The following FRS2 variants were observed in gnomAD, a reference collection of about 807,000 sequenced individuals.
FRS2 encodes the protein FGFR signalling adaptor.
In FRS2, 8 loss-of-function variants were observed where a neutral mutation model predicts 43.9. The ratio of observed to expected loss-of-function variants is 0.18; its 90% CI spans 0.11 to 0.33. FRS2 has a LOEUF of 0.33. Ranked by LOEUF, FRS2 falls within the 10% of genes least tolerant of loss-of-function variation. The pLI is 1.00. For synonymous variants in FRS2, 219 were observed against 220.3 expected (o/e 0.99, Z 0.05); for missense variants, 534 against 627.6 (o/e 0.85, Z 1.59).
At chr12:69,549,631 A>G (rs1878700747) in intron 3 of FRS2, among the ~76,000 whole-genome samples, 1 of 152,248 alleles carries the variant, frequency 6.6e-6, no homozygotes, top group African/African-American at 2.4e-5. Context: ...TTCCATTTGC[A>G]TAGACTTCTG....
chr12:69,481,512 A>C (rs1342174166), intron 1 of FRS2, among the ~76,000 whole-genome samples: 1 of 151,606 alleles, frequency 6.6e-6, no homozygotes, highest in African/African-American at 2.4e-5. Flanking sequence ...TTGGTCTCAA[A>C]CTCTTGGGCT....
intron 1 of FRS2, among the ~76,000 whole-genome samples, chr12:69,504,415 A>T (rs1418172999): frequency 6.6e-6 from 1 of 152,182 alleles, no homozygotes. Context: ...GAACCAGGAG[A>T]CTGAAGTGAG....
At chr12:69,538,194 A>AT (rs921058241) in intron 3 of FRS2, among the ~76,000 whole-genome samples, 1 of 44,790 alleles carries the variant, frequency 2.2e-5, no homozygotes, top group Non-Finnish European at 3.9e-5. Context: ...AAAAAAACAA[A>AT]TTTTATATAT....
rs562804229 is a variant in FRS2, at chr12:69,539,087, T to C, written c.-122+7031T>C. Among the ~76,000 whole-genome samples, 5 of 152,302 alleles carry C rather than the reference T, an allele frequency of 3.3e-5. No homozygotes were observed. The South Asian group carries it at 1.0e-3, about 32-fold the overall frequency. On this transcript the variant is annotated intron_variant, in intron 3 of 8. Transcript: ENST00000549921. ...GGATTTCAAGGTTTTTGTTTTGTTT[T>C]GTTTTGAGACAGAGTCTCACTCTGT...
chr12:69,472,060 C>A (rs1870347348), intron 1 of FRS2, among the ~76,000 whole-genome samples: 1 of 152,100 alleles, frequency 6.6e-6, no homozygotes, highest in Non-Finnish European at 1.5e-5. Context: ...ATTAGCTGCA[C>A]AACTTTTCTT....
intron 4 of FRS2, among the ~76,000 whole-genome samples, chr12:69,567,141 C>T (rs1443503001): frequency 2.6e-5 from 4 of 152,064 alleles, no homozygotes; most frequent in Non-Finnish European, 5.9e-5. Context: ...TAAGGTTTAT[C>T]GCAGTGCATT....
At chr12:69,488,093 TAAC>T (rs1163154729) in intron 1 of FRS2, among the ~76,000 whole-genome samples, 1 of 152,244 alleles carries the variant, frequency 6.6e-6, no homozygotes, top group African/African-American at 2.4e-5. Context: ...GTTAAAATGA[TAAC>T]AAAAGATTTA....
intron 6 of FRS2, 117 bp downstream of exon 6, chr12:69,570,634 T>C (rs376616048): frequency 2.5e-5 from 16 of 650,842 alleles, no homozygotes; most frequent in East Asian, 1.6e-4. Flanking sequence ...ATAAACAGAT[T>C]GTTAAGGAAA....
At chr12:69,571,846 A>G (rs561450396) in intron 7 of FRS2, among the ~76,000 whole-genome samples, 50 of 152,334 alleles carry the variant, frequency 3.3e-4, no homozygotes, top group African/African-American at 1.2e-3. Context: ...CCTGGGCGAC[A>G]TAGCAAGACT....
At chr12:69,561,991 AATG>A (rs753181827) in intron 3 of FRS2, among the ~76,000 whole-genome samples, 186 bp from the exon 4 acceptor site, 18 of 152,372 alleles carry the variant, frequency 1.2e-4, no homozygotes, top group South Asian at 6.2e-4. Context: ...TCTGAAAAAG[AATG>A]ATAACATGTG....
chr12:69,567,455 C>CT (rs1880398799), intron 4 of FRS2, among the ~76,000 whole-genome samples: 1 of 152,096 alleles, frequency 6.6e-6, no homozygotes, highest in African/African-American at 2.4e-5. Flanking sequence ...CTTCTGTATG[C>CT]TAGGTATCGT....
Position 69,570,444 on chromosome 12 carries a change from C to CAGA in FRS2, c.180_181insAGA (p.Leu60_Cys61insArg). The CAGA allele has an allele frequency of 6.2e-7, 1 of 1,612,632 alleles. No homozygotes were observed. Among genetic ancestry groups the CAGA allele is most frequent in the Non-Finnish European group, 8.5e-7 (1 of 1,178,624 alleles). ...GTGACTCAGTAAAATGGCACTACCT[C>CAGA]TGCCTGCGACGCTATGGCTATGACT... On this transcript the variant is annotated inframe_insertion, in exon 6 of 9. Transcript: ENST00000549921.
intron 1 of FRS2, among the ~76,000 whole-genome samples, chr12:69,528,177 A>G (rs903138078): frequency 3.3e-5 from 5 of 152,222 alleles, no homozygotes; most frequent in African/African-American, 1.2e-4. Context: ...TTTGCCAGCC[A>G]TAGAATGTTT....
At chr12:69,518,197 A>G (rs1288298953) in intron 1 of FRS2, among the ~76,000 whole-genome samples, 3 of 152,212 alleles carry the variant, frequency 2.0e-5, no homozygotes, top group Non-Finnish European at 4.4e-5. Context: ...CATGAATTCT[A>G]CTTCTCAATT....
At chr12:69,529,807 T>G (rs528637623) in intron 1 of FRS2, among the ~76,000 whole-genome samples, 1 of 151,874 alleles carries the variant, frequency 6.6e-6, no homozygotes, top group East Asian at 2.0e-4. Context: ...CGCCTGTAAT[T>G]CCAGCACTTT....
chr12:69,477,822 G>C (rs2120672290), intron 1 of FRS2, among the ~76,000 whole-genome samples: 1 of 150,592 alleles, frequency 6.6e-6, no homozygotes, highest in Middle Eastern at 3.4e-3. Flanking sequence ...CTCACTGCAA[G>C]CTCCGCCTTC....
At chr12:69,523,819 C>G (rs910987761) in intron 1 of FRS2, among the ~76,000 whole-genome samples, 1 of 152,174 alleles carries the variant, frequency 6.6e-6, no homozygotes, top group Non-Finnish European at 1.5e-5. Context: ...CTTATTTCTC[C>G]TTCATTTATG....
chr12:69,556,345 CTTT>C (rs760512474), intron 3 of FRS2, among the ~76,000 whole-genome samples: 1 of 146,494 alleles, frequency 6.8e-6, no homozygotes, highest in Non-Finnish European at 1.5e-5. Flanking sequence ...TTCTTTCTTT[CTTT>C]TTTTTTTTAA....
At chr12:69,528,163 G>A (rs1260051076) in intron 1 of FRS2, among the ~76,000 whole-genome samples, 2 of 152,158 alleles carry the variant, frequency 1.3e-5, no homozygotes, top group Non-Finnish European at 2.9e-5. Context: ...TTAAGACCCT[G>A]AAGTTTGCCA....
Sources: allele counts gnomAD v4.1 joint callset (sites outside exome capture counted in the v4.1 genomes callset), GRCh38; gene constraint gnomAD v4.1.1; transcripts MANE v1.5; gene names NCBI Gene and HGNC (gene_info 2026-07-23, HGNC 2026-07-21).